The following ICA1L variants were observed in gnomAD, a reference collection of about 807,000 sequenced individuals.
The protein encoded by ICA1L is islet cell autoantigen 1 like, also known as islet cell autoantigen 1-like protein.
ICA1L carries 50 observed loss-of-function variants against 61.3 expected under a neutral mutation model. The ratio of observed to expected loss-of-function variants is 0.82; its 90% CI spans 0.65 to 1.03. The LOEUF is 1.03. Among genes scored for constraint, ICA1L ranks in the 50% least tolerant of loss-of-function variants. The pLI, the probability that ICA1L is intolerant of heterozygous loss-of-function variation, is 0.00. For missense variants in ICA1L, 508 were observed against 556.7 expected (o/e 0.91, Z 0.88); for synonymous variants, 161 against 191.3 (o/e 0.84, Z 1.31).
chr2:202,792,212 T>C (rs1207919806), intron 10 of ICA1L, among the ~76,000 whole-genome samples: 1 of 152,052 alleles, frequency 6.6e-6, no homozygotes, highest in Non-Finnish European at 1.5e-5. Context: ...TTGGCAAAGA[T>C]GTGGAGAAAC....
At chr2:202,841,465 A>G in intron 1 of ICA1L, 1 of 922,336 alleles carries the variant, frequency 1.1e-6, no homozygotes, top group Non-Finnish European at 1.8e-6. Context: ...TACCTTGTCT[A>G]TGGAGGAGGC....
intron 1 of ICA1L, among the ~76,000 whole-genome samples, chr2:202,839,905 C>T (rs973537962): frequency 2.6e-5 from 4 of 151,938 alleles, no homozygotes; most frequent in African/African-American, 9.7e-5. Context: ...CATAAAACAG[C>T]TTATAGTTAT....
At chr2:202,851,281 G>A (rs552020099) in intron 1 of ICA1L, among the ~76,000 whole-genome samples, 255 of 151,738 alleles carry the variant, frequency 1.7e-3, no homozygotes, top group African/African-American at 6.0e-3. Context: ...TTGTCCTTGC[G>A]ATAGTTTGCT....
In ICA1L at chr2:202,825,692, T is replaced by A; in HGVS notation, c.235+3A>T. ...TATCAGATAGATAACTATGATTTCATACCATTGAGTCTTAGCTGGTATTTC... is the reference window on the plus strand; with the variant it reads ...TATCAGATAGATAACTATGATTTCAAACCATTGAGTCTTAGCTGGTATTTC... On this transcript the variant is annotated splice_donor_region_variant and intron_variant, in intron 3 of 12. Transcript: ENST00000358299. 6.9e-7 allele frequency: 1 copy of A among 1,459,212 alleles called. No individual in the cohort carries two copies. The highest frequency in any genetic ancestry group is 9.6e-7 in the Non-Finnish European group (1 of 1,046,698). The allele number at this position is 1,459,212 out of a possible 1,614,324, so 90.4% of individuals were successfully genotyped here. A position where few individuals can be genotyped will look rare whatever the true frequency, so the allele number is the denominator to read the frequency against.
intron 4 of ICA1L, among the ~76,000 whole-genome samples, chr2:202,820,192 G>A (rs1181509426): frequency 1.3e-5 from 2 of 152,084 alleles, no homozygotes; most frequent in South Asian, 2.1e-4. Context: ...TGGCCAACAC[G>A]GCGAAACCCT....
At position 202,821,466 on chromosome 2, in the gene ICA1L, T is replaced by C; in HGVS notation, c.251A>G (p.Glu84Gly). ...TTTTAAAAAGAGCCCTAGCTCATTT[T>C]CTTCCTCTGATATAACTAGGAAAAA... Reference protein sequence around the residue: ...QLRLNVISEEENELGLFLKFQ... With the variant: ...QLRLNVISEEGNELGLFLKFQ... Residue 84 changes from glutamate to glycine, a missense_variant, in exon 4 of 13, where the codon GAA (glutamate) becomes GGA (glycine). Transcript: ENST00000358299. The C allele has an allele frequency of 6.2e-7, 1 of 1,610,100 alleles. No individual in the cohort carries two copies. Among genetic ancestry groups the C allele is most frequent in the Non-Finnish European group, 8.5e-7 (1 of 1,178,398 alleles).
intron 11 of ICA1L, chr2:202,786,691 T>C (rs1692595865): frequency 2.2e-6 from 1 of 454,370 alleles, no homozygotes; most frequent in Non-Finnish European, 4.4e-6. Flanking sequence ...GACTCAGTGA[T>C]CCCATTCCTA....
intron 1 of ICA1L, chr2:202,860,099 C>T (rs1256430287): frequency 2.0e-5 from 3 of 151,676 alleles, no homozygotes; most frequent in Admixed American, 6.6e-5. Context: ...GAGACCCTGT[C>T]TCTAAAAAAA....
chr2:202,815,398 AGTTAAAAG>A (rs1368911798), intron 7 of ICA1L, among the ~76,000 whole-genome samples: 1 of 152,186 alleles, frequency 6.6e-6, no homozygotes, highest in Admixed American at 6.5e-5. Context: ...ATGAATGGTA[AGTTAAAAG>A]GTACTGAAAC....
chr2:202,860,321 T>C (rs557930675), intron 1 of ICA1L: 2 of 145,482 alleles, frequency 1.4e-5, no homozygotes, highest in South Asian at 2.2e-4. Flanking sequence ...AATGGGAAAA[T>C]AGAAAAGGAA....
At chr2:202,806,108 C>T (rs979192713) in intron 9 of ICA1L, among the ~76,000 whole-genome samples, 1 of 152,168 alleles carries the variant, frequency 6.6e-6, no homozygotes, top group African/African-American at 2.4e-5. Flanking sequence ...CCGAAAGCTC[C>T]AGCCAGCCAG....
intron 4 of ICA1L, 71 bp from the exon 5 acceptor site, chr2:202,819,970 A>G (rs1693653710): frequency 1.8e-6 from 2 of 1,102,646 alleles, no homozygotes; most frequent in Non-Finnish European, 2.7e-6. Flanking sequence ...GTTTAAACCA[A>G]TGAAAAAGCA....
chr2:202,834,767 T>C (rs1221587488), intron 1 of ICA1L, among the ~76,000 whole-genome samples: 1 of 152,218 alleles, frequency 6.6e-6, no homozygotes, highest in Non-Finnish European at 1.5e-5. Context: ...CATCATCATA[T>C]AGTTCTTTTT....
chr2:202,868,949 C>T (rs1434190746), intron 1 of ICA1L, among the ~76,000 whole-genome samples: 2 of 151,870 alleles, frequency 1.3e-5, no homozygotes, highest in African/African-American at 2.4e-5. Context: ...GTCTGGGTGA[C>T]AGAGCAAGAC....
At chr2:202,790,999 A>G (rs1368336358) in intron 10 of ICA1L, among the ~76,000 whole-genome samples, 3 of 152,156 alleles carry the variant, frequency 2.0e-5, no homozygotes, top group South Asian at 2.1e-4. Context: ...GAGAAATTCA[A>G]CCCTAAGGAT....
At chr2:202,841,178 A>G in intron 1 of ICA1L, 2 of 672,108 alleles carry the variant, frequency 3.0e-6, no homozygotes, top group Non-Finnish European at 5.5e-6. Flanking sequence ...TATAAGCTTC[A>G]TCCACATACT....
intron 10 of ICA1L, among the ~76,000 whole-genome samples, chr2:202,796,176 A>G (rs563538490): frequency 2.0e-5 from 3 of 152,224 alleles, no homozygotes; most frequent in East Asian, 1.9e-4. Context: ...TACTACATAA[A>G]TACCAGAAGA....
chr2:202,798,834 C>A (rs1472084237), intron 9 of ICA1L, among the ~76,000 whole-genome samples: 1 of 152,154 alleles, frequency 6.6e-6, no homozygotes, highest in African/African-American at 2.4e-5. Flanking sequence ...TGAATGTGAT[C>A]AAAATTTTTA....
At position 202,813,850 on chromosome 2, in the gene ICA1L, C is replaced by T. The variant is rs370437315; in HGVS notation, c.866+852G>A. Among the ~76,000 whole-genome samples, 8 of 152,300 alleles carry T rather than the reference C, an allele frequency of 5.3e-5. No homozygotes were observed. The East Asian group carries it at 7.7e-4, about 15-fold the overall frequency. On this transcript the variant is annotated intron_variant, in intron 8 of 12. Transcript: ENST00000358299. ...GTATTTTCAGGTAACCAGTCCCAGT[C>T]CTATGTGTGTTATTCTGGAAACAGA...
Sources: gnomAD v4.1 joint callset for allele counts (sites outside exome capture counted in the v4.1 genomes callset) on GRCh38, gnomAD v4.1.1 for gene constraint, MANE v1.5 for transcripts, NCBI Gene and HGNC (gene_info 2026-07-23, HGNC 2026-07-21) for gene names.